FAM222A: variants seen among roughly 807,000 people sequenced by gnomAD.
FAM222A encodes protein FAM222A.
FAM222A carries 7 observed loss-of-function variants against 25.8 expected under a neutral mutation model. The observed-to-expected ratio is 0.27, with a 90% CI of 0.15 to 0.51. The LOEUF (loss-of-function observed/expected upper bound fraction) is 0.51, where lower values mean the gene tolerates loss of function less well. Ranked by LOEUF, FAM222A falls within the 20% of genes least tolerant of loss-of-function variation. FAM222A has a pLI of 0.97. For synonymous variants in FAM222A, 294 were observed against 298.8 expected (o/e 0.98, Z 0.17); for missense variants, 573 against 640.5 (o/e 0.89, Z 1.14).
chr12:109,741,523 C>T (rs1888239625), intron 1 of FAM222A, among the ~76,000 whole-genome samples: 2 of 152,148 alleles, frequency 1.3e-5, no homozygotes, highest in Non-Finnish European at 2.9e-5. Flanking sequence ...CCAGAATAGG[C>T]GACCTGCCCC....
intron 2 of FAM222A, among the ~76,000 whole-genome samples, chr12:109,763,268 T>C (rs369287632): frequency 3.3e-5 from 5 of 152,372 alleles, no homozygotes; most frequent in African/African-American, 9.6e-5. Flanking sequence ...TGGGAGACTC[T>C]GAGCTTCCAC....
At chr12:109,749,325 C>G (rs1471386767) in intron 2 of FAM222A, among the ~76,000 whole-genome samples, 3 of 152,168 alleles carry the variant, frequency 2.0e-5, no homozygotes, top group Non-Finnish European at 2.9e-5. Flanking sequence ...AGGCTGGTCT[C>G]AAACTCCCGG....
chr12:109,744,377 C>T, intron 2 of FAM222A, 149 bp downstream of exon 2: 1 of 1,418,772 alleles, frequency 7.0e-7, no homozygotes, highest in Non-Finnish European at 9.2e-7. Flanking sequence ...GTGCTGCCTT[C>T]CTGGTCTCCA....
Position 109,768,044 on chromosome 12 carries a change from C to A in FAM222A, c.115C>A (p.Arg39Ser). ...GGTGGCCAGCGCCATGCATTCCTCC[C>A]GCTACCCGAGCCCAGCAGAACTGGA... ...EAVASAMHSS[R>S]YPSPAELDAY... The change falls in exon 3 of 3, where the codon CGC becomes AGC. Residue 39 changes from arginine to serine, a missense_variant. Coordinates refer to ENST00000538780, the MANE Select transcript of FAM222A (RefSeq NM_032829.3). The A allele has an allele frequency of 6.2e-7, 1 of 1,613,730 alleles. No individual in the cohort carries two copies. Among genetic ancestry groups the A allele is most frequent in the Non-Finnish European group, 8.5e-7 (1 of 1,179,984 alleles).
intron 2 of FAM222A, among the ~76,000 whole-genome samples, chr12:109,764,946 G>A (rs186459304): frequency 3.3e-5 from 5 of 152,308 alleles, no homozygotes; most frequent in East Asian, 1.9e-4. Flanking sequence ...AGGCTGCCCC[G>A]GGCAGAGTCG....
At chr12:109,717,026 CCA>C (rs1372402379) in intron 1 of FAM222A, among the ~76,000 whole-genome samples, 1 of 152,202 alleles carries the variant, frequency 6.6e-6, no homozygotes, top group Non-Finnish European at 1.5e-5. Context: ...CCTCCTGGCT[CCA>C]GAGTCCTTGT....
chr12:109,730,655 G>T (rs189819867), intron 1 of FAM222A, among the ~76,000 whole-genome samples: 6 of 152,174 alleles, frequency 3.9e-5, no homozygotes, highest in African/African-American at 1.4e-4. Context: ...GCGTGTGTCT[G>T]GTCATCTTTG....
At chr12:109,751,174 C>T (rs940336670) in intron 2 of FAM222A, among the ~76,000 whole-genome samples, 1 of 151,374 alleles carries the variant, frequency 6.6e-6, no homozygotes, top group African/African-American at 2.4e-5. Context: ...TTCTGCACCT[C>T]TTTTTTTTTC....
intron 1 of FAM222A, among the ~76,000 whole-genome samples, chr12:109,728,993 A>G (rs1887890953): frequency 6.7e-6 from 1 of 149,102 alleles, no homozygotes; most frequent in Non-Finnish European, 1.5e-5. Flanking sequence ...AAAGAGGCTC[A>G]GACAGCCAGG....
At chr12:109,730,517 C>G (rs1235586614) in intron 1 of FAM222A, among the ~76,000 whole-genome samples, 1 of 152,168 alleles carries the variant, frequency 6.6e-6, no homozygotes, top group African/African-American at 2.4e-5. Context: ...AGGTGCTGCC[C>G]TTGCCCTTGG....
chr12:109,744,349 C>A, intron 2 of FAM222A, 121 bp downstream of exon 2: 1 of 1,436,004 alleles, frequency 7.0e-7, no homozygotes. Flanking sequence ...CTTAGGCCCC[C>A]AGGCCTTGGC....
At chr12:109,759,706 C>T (rs1420635552) in intron 2 of FAM222A, among the ~76,000 whole-genome samples, 2 of 152,184 alleles carry the variant, frequency 1.3e-5, no homozygotes, top group Non-Finnish European at 2.9e-5. Context: ...GGCCCCAGTA[C>T]ACAGTGGGGA....
At chr12:109,757,105 T>C (rs1031159781) in intron 2 of FAM222A, among the ~76,000 whole-genome samples, 2 of 152,228 alleles carry the variant, frequency 1.3e-5, no homozygotes, top group African/African-American at 4.8e-5. Context: ...CTCTAAATTA[T>C]GAAACTCTGA....
At chr12:109,721,056 C>T (rs1887736932) in intron 1 of FAM222A, among the ~76,000 whole-genome samples, 3 of 152,222 alleles carry the variant, frequency 2.0e-5, no homozygotes, top group Admixed American at 2.0e-4. Flanking sequence ...CTGCTGTGTG[C>T]CAGACTGAGT....
intron 2 of FAM222A, among the ~76,000 whole-genome samples, chr12:109,766,964 C>A (rs562826816): frequency 6.6e-6 from 1 of 151,746 alleles, no homozygotes; most frequent in Non-Finnish European, 1.5e-5. Flanking sequence ...GGCACAGTCA[C>A]AGCTCACTGT....
chr12:109,733,504 C>T (rs566608578), intron 1 of FAM222A, among the ~76,000 whole-genome samples: 29 of 151,984 alleles, frequency 1.9e-4, no homozygotes, highest in Non-Finnish European at 3.2e-4. Context: ...CCCGGGTTCA[C>T]GCCATTCTCC....
chr12:109,719,312 AG>A (rs1428464437), intron 1 of FAM222A, among the ~76,000 whole-genome samples: 1 of 152,220 alleles, frequency 6.6e-6, no homozygotes, highest in Non-Finnish European at 1.5e-5. Context: ...TCACACAGCC[AG>A]GGAGTGGCAG....
chr12:109,730,829 G>T (rs548528328), intron 1 of FAM222A, among the ~76,000 whole-genome samples: 1 of 152,276 alleles, frequency 6.6e-6, no homozygotes, highest in South Asian at 2.1e-4. Flanking sequence ...TTGAGGTTTA[G>T]GTCCTGGGGT....
intron 1 of FAM222A, among the ~76,000 whole-genome samples, chr12:109,736,691 A>T (rs1330355526): frequency 1.3e-5 from 2 of 152,154 alleles, no homozygotes; most frequent in East Asian, 1.9e-4. Context: ...GTTGGTGTTT[A>T]ATCTGTCATG....
Sources: allele counts gnomAD v4.1 joint callset (sites outside exome capture counted in the v4.1 genomes callset), GRCh38; gene constraint gnomAD v4.1.1; transcripts MANE v1.5; gene names NCBI Gene and HGNC (gene_info 2026-07-23, HGNC 2026-07-21).